The following CASZ1 variants were observed in gnomAD, a reference collection of about 807,000 sequenced individuals.
The protein encoded by CASZ1 is zinc finger protein castor homolog 1.
In CASZ1, 28 loss-of-function variants were observed where a neutral mutation model predicts 135.2. The observed-to-expected ratio is 0.21, with a 90% CI of 0.15 to 0.28. CASZ1 has a LOEUF of 0.28. Ranked by LOEUF, CASZ1 falls within the 10% of genes least tolerant of loss-of-function variation. The probability of loss-of-function intolerance (pLI) is 1.00; values close to 1 mark genes in which losing one functional copy is unlikely to be tolerated. For synonymous variants in CASZ1, 1,068 were observed against 1,073.4 expected (o/e 0.99, Z 0.10); for missense variants, 2,161 against 2,453.3 (o/e 0.88, Z 2.52).
intron 2 of CASZ1, among the ~76,000 whole-genome samples, chr1:10,716,297 C>T (rs1168976443): frequency 6.6e-6 from 1 of 152,232 alleles, no homozygotes; most frequent in East Asian, 1.9e-4. Context: ...CTCCACAGCA[C>T]CCAATCCGCT....
Position 10,694,253 on chromosome 1 carries a change from A to T in CASZ1, c.-23-341T>A. The T allele has an allele frequency of 1.5e-5, 14 of 919,338 alleles. No individual in the cohort carries two copies. Among genetic ancestry groups the T allele is most frequent in the Non-Finnish European group, 1.8e-5 (14 of 763,374 alleles). 56.9% of individuals were successfully genotyped at this position (919,338 alleles called of 1,614,324 possible). A position where few individuals can be genotyped will look rare whatever the true frequency, so the allele number is the denominator to read the frequency against. On this transcript the variant is annotated intron_variant, in intron 3 of 20. Transcript: ENST00000377022. The surrounding 1 kb of genome is among the most constrained non-coding windows in gnomAD (Gnocchi z 6.6). ...CGCCCCGCGCCCGGGTCGCCGCCCG[A>T]GACCGCGGCCCCCGGGCCTCCCCCG...
At chr1:10,643,114 C>T (rs761399280) in intron 19 of CASZ1, 46 bp downstream of exon 19, 19 of 1,600,212 alleles carry the variant, frequency 1.2e-5, no homozygotes, top group Admixed American at 1.0e-4. Flanking sequence ...GACCATGATG[C>T]GTTCCCGCCA....
Position 10,651,084 on chromosome 1 carries a change from G to A in CASZ1, c.2681-8C>T. On this transcript the variant is annotated splice_polypyrimidine_tract_variant and splice_region_variant and intron_variant, in intron 11 of 20. Transcript: ENST00000377022. ...TGACCTGCTGCCCGCTTCCTGCAGG[G>A]GAGGGGTGGGAAGATGCGTCAGAGG... The A allele has an allele frequency of 1.3e-6, 2 of 1,500,788 alleles. No homozygotes were observed. The highest frequency in any genetic ancestry group is 1.8e-6 in the Non-Finnish European group (2 of 1,134,602). 93.0% of individuals were successfully genotyped at this position (1,500,788 alleles called of 1,614,324 possible). A position where few individuals can be genotyped will look rare whatever the true frequency, so the allele number is the denominator to read the frequency against.
intron 20 of CASZ1, 150 bp from the exon 21 acceptor site, chr1:10,640,209 C>T: frequency 9.0e-7 from 1 of 1,114,672 alleles, no homozygotes; most frequent in Non-Finnish European, 1.2e-6. Flanking sequence ...GAGGCCTCTC[C>T]TGCCCCGCCC....
chr1:10,789,668 T>G (rs1039135384), intron 1 of CASZ1, among the ~76,000 whole-genome samples: 15 of 151,948 alleles, frequency 9.9e-5, no homozygotes, highest in African/African-American at 3.6e-4. Flanking sequence ...TCCAACAATA[T>G]GGAAGAAGGG....
chr1:10,694,605 G>GCCGCCC lies in CASZ1; in HGVS notation c.-23-694_-23-693insGGGCGG, dbSNP rs1553132929. On this transcript the variant is annotated intron_variant, in intron 3 of 20. Coordinates refer to ENST00000377022, the MANE Select transcript of CASZ1 (RefSeq NM_001079843.3). This position sits in a 1 kb window ranked among gnomAD's most constrained non-coding sequence, Gnocchi z 6.6. ...CGGCCCCGCCGCCGCCGCCGCCGCC[G>GCCGCCC]CCGCCGCCGCCGCCGCCCGGTGCGC... is the stretch of plus-strand genomic sequence containing the variant. 1.5e-4 allele frequency: 21 copies of GCCGCCC among 141,656 alleles called. No homozygotes were observed. The highest frequency in any genetic ancestry group is 5.6e-4 in the African/African-American group (21 of 37,576). The allele number at this position is 141,656 out of a possible 1,614,324, so 8.8% of individuals were successfully genotyped here.
chr1:10,648,317 G>GCGTCC (rs1294047870), intron 15 of CASZ1, 178 bp from the exon 16 acceptor site: 6 of 534,080 alleles, frequency 1.1e-5, no homozygotes, highest in Non-Finnish European at 1.9e-5. Context: ...GCAAACTGCA[G>GCGTCC]CGTCCCCTGG....
chr1:10,665,928 C>T (rs546673286), intron 4 of CASZ1, among the ~76,000 whole-genome samples: 1 of 152,272 alleles, frequency 6.6e-6, no homozygotes, highest in African/African-American at 2.4e-5. Context: ...AGGGGGTGTG[C>T]CCTTTGACAC....
rs546577003 is a variant in CASZ1 at position 10,660,219 on chromosome 1, C to G, written c.823G>C (p.Gly275Arg). 6.2e-7 allele frequency: 1 copy of G among 1,612,954 alleles called. No individual in the cohort carries two copies. The highest frequency in any genetic ancestry group is 1.7e-5 in the Admixed American group (1 of 59,996). ...GCCGTGCTGCTGGGCAGCCGCAGGC[C>G]GGGCAGGGTGCCCACCACCTCCTTG... ...VGKEVVGTLP[G>R]LRLPSSTAHL... is the part of the protein sequence containing the mutation. Residue 275 changes from glycine (G) to arginine (R), a missense_variant, in exon 6 of 21, where the codon GGC (glycine) becomes CGC (arginine). By Grantham distance (125) the Gly-to-Arg change is moderately radical. Transcript: ENST00000377022.
intron 5 of CASZ1, among the ~76,000 whole-genome samples, chr1:10,662,426 A>G (rs533679302): frequency 6.6e-6 from 1 of 152,132 alleles, no homozygotes; most frequent in East Asian, 1.9e-4. Context: ...TACAATACAC[A>G]CATGCCTTAT....
chr1:10,641,872 G>T (rs577990097), intron 20 of CASZ1, among the ~76,000 whole-genome samples: 1 of 152,158 alleles, frequency 6.6e-6, no homozygotes, highest in Non-Finnish European at 1.5e-5. Flanking sequence ...TGGAGACCAC[G>T]CTCTCTAGTC....
chr1:10,735,383 C>T lies in CASZ1; in HGVS notation c.-77+25318G>A, dbSNP rs889274943. Among the ~76,000 whole-genome samples the T allele has an allele frequency of 2.6e-5, 4 of 152,196 alleles. No individual in the cohort carries two copies. The highest frequency in any genetic ancestry group is 6.5e-5 in the Admixed American group (1 of 15,288). On this transcript the variant is annotated intron_variant, in intron 2 of 20. Coordinates refer to ENST00000377022, the MANE Select transcript of CASZ1 (RefSeq NM_001079843.3). The surrounding 1 kb of genome is among the most constrained non-coding windows in gnomAD (Gnocchi z 5.1). ...AGCTGACGAGAGAGGCGCCTGCAAA[C>T]GCAGGCGAGGCCCGGGAGCTCTGGG...
chr1:10,738,926 T>G (rs1007876622), intron 2 of CASZ1, among the ~76,000 whole-genome samples: 12 of 148,748 alleles, frequency 8.1e-5, no homozygotes, highest in Non-Finnish European at 1.0e-4. Context: ...AGGTTTTTTT[T>G]TTTTTTTTTT....
In CASZ1 at chr1:10,653,628, C is replaced by T; in HGVS notation, c.2429G>A (p.Ser810Asn). ...GGGGGTGCCCACAGGCAGGGAGGTG[C>T]TCCCACGGCCAGCCAGTATGGGGAA... is the stretch of plus-strand genomic sequence containing the variant. ...PYFPILAGRG[S>N]TSLPVGTPSL... The change falls in exon 11 of 21, where the codon AGC (serine) becomes AAC (asparagine). Residue 810 changes from serine (S) to asparagine (N), a missense_variant. Transcript: ENST00000377022. 1 of 1,549,262 alleles carries T rather than the reference C, an allele frequency of 6.5e-7. No individual in the cohort carries two copies. Among genetic ancestry groups the T allele is most frequent in the South Asian group, 1.2e-5 (1 of 80,240 alleles).
Position 10,639,114 on chromosome 1 carries a change from T to C in CASZ1, c.5108A>G (p.Asp1703Gly). The change falls in exon 21 of 21, where the codon GAC (aspartate) becomes GGC (glycine). Residue 1703 changes from aspartate to glycine, a missense_variant. Transcript: ENST00000377022. This position sits in a 1 kb window ranked among gnomAD's most constrained non-coding sequence, Gnocchi z 4.0. ...EDEDDDEDDD[D>G]EDDDEDDDDE... ...GTCGTCGTCCTCGTCGTCGTCCTCG[T>C]CGTCGTCGTCCTCGTCGTCGTCCTC... 8.7e-7 allele frequency: 1 copy of C among 1,153,410 alleles called. No individual in the cohort carries two copies. Among genetic ancestry groups the C allele is most frequent in the Non-Finnish European group, 1.1e-6 (1 of 914,472 alleles). The allele number at this position is 1,153,410 out of a possible 1,614,324, so 71.4% of individuals were successfully genotyped here.
At chr1:10,640,182 G>T in intron 20 of CASZ1, 123 bp from the exon 21 acceptor site, 2 of 1,404,920 alleles carry the variant, frequency 1.4e-6, no homozygotes, top group Non-Finnish European at 9.5e-7. Flanking sequence ...GGGAGCCCTC[G>T]GCTTCCCCTG....
intron 5 of CASZ1, among the ~76,000 whole-genome samples, chr1:10,664,007 G>T (rs1305984262): frequency 6.6e-6 from 1 of 152,234 alleles, no homozygotes; most frequent in Non-Finnish European, 1.5e-5. Context: ...ATCACCTTGT[G>T]TCTGGCAACG....
At chr1:10,730,543 C>A (rs1442759752) in intron 2 of CASZ1, among the ~76,000 whole-genome samples, 1 of 152,142 alleles carries the variant, frequency 6.6e-6, no homozygotes, top group Non-Finnish European at 1.5e-5. Flanking sequence ...GGAACACCAT[C>A]TTTACCTGAA....
At chr1:10,696,231 C>T (rs1256669266) in intron 3 of CASZ1, among the ~76,000 whole-genome samples, 2 of 152,270 alleles carry the variant, frequency 1.3e-5, no homozygotes, top group East Asian at 3.9e-4. Flanking sequence ...TCCCCTACTC[C>T]ACTGCCCTTC....
Sources: allele counts gnomAD v4.1 joint callset (sites outside exome capture counted in the v4.1 genomes callset), GRCh38; gene constraint gnomAD v4.1.1; non-coding constraint Gnocchi (gnomAD v3.1); transcripts MANE v1.5; gene names NCBI Gene and HGNC (gene_info 2026-07-23, HGNC 2026-07-21).